Variants in DSCAML1 observed in about 807,000 individuals in gnomAD.
The protein encoded by DSCAML1 is cell adhesion molecule DSCAML1.
Under a neutral mutation model 200.5 loss-of-function variants are expected in DSCAML1, and 38 were observed. The observed-to-expected ratio is 0.19, with a 90% CI of 0.15 to 0.25. DSCAML1 has a LOEUF of 0.25. Among genes scored for constraint, DSCAML1 ranks in the 10% least tolerant of loss-of-function variants. The pLI is 1.00. For synonymous variants in DSCAML1, 1,215 were observed against 1,165.0 expected, an observed-to-expected ratio of 1.04 and a Z score of -0.87; for missense variants, 2,223 against 2,858.8, an observed-to-expected ratio of 0.78 and a Z score of 5.07.
chr11:117,809,860 CACTT>C lies in DSCAML1; in HGVS notation c.-250+7526_-250+7529del, dbSNP rs376451205. On this transcript the variant is annotated intron_variant, in intron 1 of 2. Transcript: ENST00000525836. ...ACACAGTCACATACACACTCACACTCACTTACACATTCACATACTCTTACACACA... is the reference window on the plus strand; with the variant it reads ...ACACAGTCACATACACACTCACACTCACACATTCACATACTCTTACACACA... 6.4e-3 allele frequency among the ~76,000 whole-genome samples: 980 copies of C among 152,032 alleles called. 6 individuals are homozygous for C. The highest frequency in any genetic ancestry group is 0.018 in the African/African-American group (767 of 41,470).
intron 11 of DSCAML1, among the ~76,000 whole-genome samples, chr11:117,496,766 T>C (rs1483949256): frequency 6.6e-6 from 1 of 152,224 alleles, no homozygotes; most frequent in East Asian, 1.9e-4. Flanking sequence ...ACAAGCACTT[T>C]TAAACTGGAA....
chr11:117,441,297 A>G (rs939945585), intron 21 of DSCAML1, among the ~76,000 whole-genome samples: 1 of 152,220 alleles, frequency 6.6e-6, no homozygotes, highest in Admixed American at 6.5e-5. Flanking sequence ...CAGTGCAGCC[A>G]CAGCTGTAGC....
intron 19 of DSCAML1, among the ~76,000 whole-genome samples, chr11:117,452,818 T>TA (rs2048305398): frequency 6.6e-6 from 1 of 152,240 alleles, no homozygotes; most frequent in Non-Finnish European, 1.5e-5. Context: ...CATGAATCTT[T>TA]AGTTTACCAA....
chr11:117,474,124 T>A (rs543943436), intron 14 of DSCAML1, among the ~76,000 whole-genome samples: 1 of 152,184 alleles, frequency 6.6e-6, no homozygotes, highest in South Asian at 2.1e-4. Context: ...AGGTGCAGCG[T>A]TGGGCAATTT....
intron 3 of DSCAML1, among the ~76,000 whole-genome samples, chr11:117,597,354 C>G (rs1168409157): frequency 6.6e-6 from 1 of 152,154 alleles, no homozygotes; most frequent in African/African-American, 2.4e-5. Context: ...AACTGGGGGG[C>G]AGGTGTGTGG....
chr11:117,570,293 C>CT (rs1172486092), intron 3 of DSCAML1, among the ~76,000 whole-genome samples: 1 of 152,130 alleles, frequency 6.6e-6, no homozygotes, highest in Non-Finnish European at 1.5e-5. Context: ...TCCTCAATAC[C>CT]TTTCCAAGGA....
At chr11:117,593,900 A>T (rs1195433847) in intron 3 of DSCAML1, among the ~76,000 whole-genome samples, 2 of 151,804 alleles carry the variant, frequency 1.3e-5, no homozygotes, top group Admixed American at 1.3e-4. Context: ...TTTTTAGTAG[A>T]GACGGTGTTT....
intron 3 of DSCAML1, among the ~76,000 whole-genome samples, chr11:117,547,324 G>A (rs2050390031): frequency 6.6e-6 from 1 of 152,184 alleles, no homozygotes; most frequent in Admixed American, 6.5e-5. Context: ...ATTCGGGAAA[G>A]CTACCTCCTT....
Position 117,505,799 on chromosome 11 carries a change from C to CACCTGCCTT in DSCAML1, c.1784-76_1784-68dup, listed in dbSNP as rs1477840194. On this transcript the variant is annotated intron_variant, in intron 8 of 32. Coordinates refer to ENST00000651296, the MANE Select transcript of DSCAML1 (RefSeq NM_020693.4). The surrounding 1 kb of genome is among the most constrained non-coding windows in gnomAD (Gnocchi z 6.7). ...TCTCACCTGGCCGCCAACGCCGCCTCACCTGCCTTACCTGGGGCTCTGGGT... is the reference window on the plus strand; with the variant it reads ...TCTCACCTGGCCGCCAACGCCGCCTCACCTGCCTTACCTGCCTTACCTGGGGCTCTGGGT... 3.1e-5 allele frequency: 48 copies of CACCTGCCTT among 1,537,586 alleles called. No homozygotes were observed. The Admixed American group carries it at 6.0e-4, about 19-fold the overall frequency.
intron 1 of DSCAML1, 138 bp downstream of exon 1, chr11:117,796,896 C>T: frequency 5.7e-6 from 3 of 530,580 alleles, no homozygotes; most frequent in East Asian, 4.3e-5. Context: ...TGCCCCTCCC[C>T]GCTGCGCCCC....
chr11:117,545,253 A>T (rs2050351144), intron 3 of DSCAML1, among the ~76,000 whole-genome samples: 1 of 150,096 alleles, frequency 6.7e-6, no homozygotes, highest in African/African-American at 2.4e-5. Context: ...ACACACACAC[A>T]CACACACAAA....
At chr11:117,554,046 C>T (rs547037768) in intron 3 of DSCAML1, among the ~76,000 whole-genome samples, 2 of 152,318 alleles carry the variant, frequency 1.3e-5, no homozygotes, top group Admixed American at 6.5e-5. Flanking sequence ...TAAAATAAGG[C>T]AGACACAAAG....
At chr11:117,455,027 A>G (rs1445319034) in intron 19 of DSCAML1, among the ~76,000 whole-genome samples, 4 of 152,020 alleles carry the variant, frequency 2.6e-5, no homozygotes, top group Non-Finnish European at 5.9e-5. Context: ...CTAGGGGAGG[A>G]GCTGTTCCAA....
intron 3 of DSCAML1, among the ~76,000 whole-genome samples, chr11:117,617,678 A>AGG (rs2051837080): frequency 1.9e-5 from 2 of 105,950 alleles, no homozygotes; most frequent in African/African-American, 6.6e-5. Context: ...ACACAGGTAC[A>AGG]CGCACACACA....
chr11:117,741,484 A>G (rs2054422377), intron 3 of DSCAML1, among the ~76,000 whole-genome samples: 1 of 152,230 alleles, frequency 6.6e-6, no homozygotes, highest in African/African-American at 2.4e-5. Flanking sequence ...AATATAATTT[A>G]TTGTGTTAAG....
intron 3 of DSCAML1, among the ~76,000 whole-genome samples, chr11:117,755,164 C>T (rs1262106160): frequency 6.6e-6 from 1 of 152,088 alleles, no homozygotes; most frequent in African/African-American, 2.4e-5. Context: ...CTGGGTAGCG[C>T]TTGGGTTTAA....
rs926635121 is a variant in DSCAML1, at chr11:117,656,330, G to A, written c.511+120461C>T. 3.9e-5 allele frequency among the ~76,000 whole-genome samples: 6 copies of A among 152,298 alleles called. No individual in the cohort carries two copies. The South Asian group carries it at 8.3e-4, about 21-fold the overall frequency. On this transcript the variant is annotated intron_variant, in intron 3 of 32. Coordinates refer to ENST00000651296, the MANE Select transcript of DSCAML1 (RefSeq NM_020693.4). ...CTCCACCAGGTAACCCTGCTGTCAC[G>A]TTCGACTAGGAACTGAGCTCCTCTG...
intron 3 of DSCAML1, among the ~76,000 whole-genome samples, chr11:117,718,304 C>G (rs1186191346): frequency 6.6e-6 from 1 of 152,172 alleles, no homozygotes; most frequent in Admixed American, 6.5e-5. Context: ...ACCGGCAGGG[C>G]TCTCCTGGCC....
chr11:117,792,137 C>G (rs985508716), intron 1 of DSCAML1, among the ~76,000 whole-genome samples: 3 of 152,210 alleles, frequency 2.0e-5, no homozygotes, highest in Admixed American at 6.5e-5. Flanking sequence ...GGCCCTCCCC[C>G]TCTCTACCTC....
Sources: allele counts gnomAD v4.1 joint callset (sites outside exome capture counted in the v4.1 genomes callset), GRCh38; gene constraint gnomAD v4.1.1; non-coding constraint Gnocchi (gnomAD v3.1); transcripts MANE v1.5; gene names NCBI Gene and HGNC (gene_info 2026-07-23, HGNC 2026-07-21).